RASAL2: variants seen among roughly 807,000 people sequenced by gnomAD.
RASAL2 encodes ras GTPase-activating protein nGAP.
In RASAL2, 58 loss-of-function variants were observed where a neutral mutation model predicts 128.9. That is an observed-to-expected ratio of 0.45 (90% CI 0.36 to 0.56). The LOEUF is 0.56. Ranked by LOEUF, RASAL2 falls within the 20% of genes least tolerant of loss-of-function variation. The pLI, the probability that RASAL2 is intolerant of heterozygous loss-of-function variation, is 0.00. For missense variants in RASAL2, 1,360 were observed against 1,601.6 expected (o/e 0.85, Z 2.57); for synonymous variants, 561 against 580.8 (o/e 0.97, Z 0.49).
chr1:178,309,225 C>A (rs1262311925), intron 3 of RASAL2, among the ~76,000 whole-genome samples: 1 of 152,074 alleles, frequency 6.6e-6, no homozygotes, highest in Non-Finnish European at 1.5e-5. Context: ...TGGATAATGG[C>A]AGCCACTGAT....
Position 178,094,366 on chromosome 1 carries a change from CG to C in RASAL2, c.-125del. 1.1e-6 allele frequency: 1 copy of C among 884,448 alleles called. No homozygotes were observed. The highest frequency in any genetic ancestry group is 1.9e-5 in the South Asian group (1 of 53,536). 54.8% of individuals were successfully genotyped at this position (884,448 alleles called of 1,614,324 possible). ...GGAAGGAGGTGAGAGGTGTCCGCGC[CG>C]GCTGCCGCTCGGGTCCCTGCCCTCG... On this transcript the variant is annotated 5_prime_UTR_variant, in exon 1 of 18. Transcript: ENST00000367649.
At chr1:178,152,328 G>A (rs1027006020) in intron 1 of RASAL2, among the ~76,000 whole-genome samples, 21 of 152,132 alleles carry the variant, frequency 1.4e-4, no homozygotes, top group Admixed American at 3.9e-4. Flanking sequence ...CTTGCCCTAC[G>A]CATCTCTTTC....
intron 3 of RASAL2, among the ~76,000 whole-genome samples, chr1:178,353,048 G>A (rs1466023399): frequency 6.6e-6 from 1 of 152,240 alleles, no homozygotes; most frequent in East Asian, 1.9e-4. Flanking sequence ...AGAAATGCCT[G>A]CAAGGCCTTT....
intron 1 of RASAL2, among the ~76,000 whole-genome samples, chr1:178,274,010 G>A (rs1666380061): frequency 6.6e-6 from 1 of 152,188 alleles, no homozygotes; most frequent in South Asian, 2.1e-4. Context: ...TGTAAGCTCA[G>A]CGATTTGTGA....
intron 17 of RASAL2, among the ~76,000 whole-genome samples, chr1:178,471,911 A>G (rs1249805557): frequency 6.6e-6 from 1 of 152,168 alleles, no homozygotes; most frequent in East Asian, 1.9e-4. Context: ...CTTTACCATG[A>G]CTAAACTTTA....
intron 3 of RASAL2, among the ~76,000 whole-genome samples, chr1:178,328,187 G>C (rs562264690): frequency 7.5e-4 from 114 of 152,216 alleles, no homozygotes; most frequent in African/African-American, 2.6e-3. Context: ...CTCCTATCAC[G>C]TTTTTGGTGT....
chr1:178,141,890 G>A (rs1475524290), intron 1 of RASAL2, among the ~76,000 whole-genome samples: 2 of 152,106 alleles, frequency 1.3e-5, no homozygotes, highest in South Asian at 2.1e-4. Context: ...GGTGGTGAAA[G>A]TGGGGTTTCC....
chr1:178,338,618 A>G (rs939318355), intron 3 of RASAL2, among the ~76,000 whole-genome samples: 5 of 152,340 alleles, frequency 3.3e-5, no homozygotes, highest in African/African-American at 4.8e-5. Context: ...TAGAAACACT[A>G]TATTTGTTGA....
At chr1:178,355,322 C>G (rs1199858741) in intron 3 of RASAL2, among the ~76,000 whole-genome samples, 1 of 152,074 alleles carries the variant, frequency 6.6e-6, no homozygotes, top group Non-Finnish European at 1.5e-5. Context: ...CAAAAACAGA[C>G]CTGTGCATAT....
chr1:178,283,636 G>A lies in RASAL2; in HGVS notation c.275G>A (p.Arg92Gln), dbSNP rs751153209. 58 of 1,613,724 alleles carry A rather than the reference G, an allele frequency of 3.6e-5. No homozygotes were observed. The highest frequency in any genetic ancestry group is 5.3e-5 in the African/African-American group (4 of 74,846). Residue 92 changes from arginine to glutamine, a missense_variant, in exon 2 of 18, where the codon CGG becomes CAG. Arg to Gln is a conservative substitution (Grantham distance 43, BLOSUM62 1). Coordinates refer to ENST00000367649, the MANE Select transcript of RASAL2 (RefSeq NM_170692.4). The part of the protein sequence containing the change: ...SPYTETTTWE[R>Q]KYCILTDSQL... Reference sequence around the variant, plus strand: ...TACACCGAGACAACAACGTGGGAGCGGAAGTATTGCATCCTCACAGACAGC... The same window carrying A: ...TACACCGAGACAACAACGTGGGAGCAGAAGTATTGCATCCTCACAGACAGC...
chr1:178,109,233 A>T (rs1659206979), intron 1 of RASAL2, among the ~76,000 whole-genome samples: 1 of 152,052 alleles, frequency 6.6e-6, no homozygotes, highest in Admixed American at 6.6e-5. Context: ...CCTACAGGAG[A>T]TATTTTAGGA....
chr1:178,116,704 C>T (rs1231547009), intron 1 of RASAL2, among the ~76,000 whole-genome samples: 1 of 151,976 alleles, frequency 6.6e-6, no homozygotes, highest in Non-Finnish European at 1.5e-5. Context: ...TCACCTCCTG[C>T]GTTCACGCCA....
intron 1 of RASAL2, among the ~76,000 whole-genome samples, chr1:178,155,859 A>AG (rs1661068287): frequency 6.6e-6 from 1 of 152,158 alleles, no homozygotes. Context: ...GTTGTTACAG[A>AG]GATTCTTAGA....
chr1:178,309,139 A>G (rs901075359), intron 3 of RASAL2, among the ~76,000 whole-genome samples: 1 of 152,152 alleles, frequency 6.6e-6, no homozygotes, highest in African/African-American at 2.4e-5. Context: ...ATGGTGATAT[A>G]TTAATACATA....
chr1:178,376,980 A>G (rs936676641), intron 3 of RASAL2, among the ~76,000 whole-genome samples: 4 of 152,120 alleles, frequency 2.6e-5, no homozygotes, highest in Non-Finnish European at 5.9e-5. Context: ...TTCAGTAGAT[A>G]ATGATTGCGT....
chr1:178,351,098 A>G (rs942826191), intron 3 of RASAL2, among the ~76,000 whole-genome samples: 13 of 152,148 alleles, frequency 8.5e-5, no homozygotes, highest in African/African-American at 3.1e-4. Flanking sequence ...ATGAGAACTC[A>G]CTATCCTGAT....
Position 178,422,376 on chromosome 1 carries a change from C to A in RASAL2, c.674+1756C>A, listed in dbSNP as rs375272130. ...ATAATGTTAATGCTTTAATCAATAGCAAAGTCTTTCTTTCTTAAGTACAGC... is the reference window on the plus strand; with the variant it reads ...ATAATGTTAATGCTTTAATCAATAGAAAAGTCTTTCTTTCTTAAGTACAGC... On this transcript the variant is annotated intron_variant, in intron 5 of 17. Coordinates refer to ENST00000367649, the MANE Select transcript of RASAL2 (RefSeq NM_170692.4). 3.3e-5 allele frequency among the ~76,000 whole-genome samples: 5 copies of A among 152,116 alleles called. No homozygotes were observed. The South Asian group carries it at 1.0e-3, about 31-fold the overall frequency.
intron 1 of RASAL2, among the ~76,000 whole-genome samples, chr1:178,156,681 A>T (rs1178693416): frequency 6.6e-6 from 1 of 152,216 alleles, no homozygotes; most frequent in Admixed American, 6.5e-5. Flanking sequence ...CAGACATTTA[A>T]CGTGACCTGT....
chr1:178,223,957 G>A (rs1663702923), intron 1 of RASAL2, among the ~76,000 whole-genome samples: 2 of 152,152 alleles, frequency 1.3e-5, no homozygotes, highest in African/African-American at 4.8e-5. Context: ...AAAGATCATA[G>A]TGTAGGTTTT....
Sources: gnomAD v4.1 joint callset for allele counts (sites outside exome capture counted in the v4.1 genomes callset) on GRCh38, gnomAD v4.1.1 for gene constraint, MANE v1.5 for transcripts, NCBI Gene and HGNC (gene_info 2026-07-23, HGNC 2026-07-21) for gene names.